The following WWOX variants were observed in gnomAD, a reference collection of about 807,000 sequenced individuals.
The protein encoded by WWOX is WW domain-containing oxidoreductase.
WWOX carries 69 observed loss-of-function variants against 46.2 expected under a neutral mutation model. The ratio of observed to expected loss-of-function variants is 1.49; its 90% CI spans 1.23 to 1.82. The LOEUF is 1.82. Among genes scored for constraint, WWOX ranks in the 40% most tolerant of loss-of-function variants. The pLI is 0.00. For synonymous variants in WWOX, 359 were observed against 202.6 expected, an observed-to-expected ratio of 1.77 and a Z score of -6.56; for missense variants, 919 against 542.6, an observed-to-expected ratio of 1.69 and a Z score of -6.89.
chr16:78,679,002 C>T (rs2047667673), intron 8 of WWOX, among the ~76,000 whole-genome samples: 1 of 152,130 alleles, frequency 6.6e-6, no homozygotes, highest in African/African-American at 2.4e-5. Flanking sequence ...CCATATTGCC[C>T]CCAGTGGAGA....
At chr16:78,799,656 G>A (rs2142645883) in intron 8 of WWOX, among the ~76,000 whole-genome samples, 1 of 152,280 alleles carries the variant, frequency 6.6e-6, no homozygotes, top group Admixed American at 6.5e-5. Context: ...ATGTTCTGTG[G>A]CACTTTGCAT....
chr16:78,281,354 C>T (rs2079674940), intron 5 of WWOX, among the ~76,000 whole-genome samples: 1 of 152,172 alleles, frequency 6.6e-6, no homozygotes, highest in African/African-American at 2.4e-5. Flanking sequence ...TCCCAGCAGA[C>T]TGGGTGGGTG....
chr16:78,813,567 G>T (rs2051253176), intron 8 of WWOX, among the ~76,000 whole-genome samples: 1 of 152,096 alleles, frequency 6.6e-6, no homozygotes, highest in African/African-American at 2.4e-5. Flanking sequence ...ATGTGGGCAG[G>T]AATGTGTGTG....
At chr16:78,767,520 C>A (rs972993762) in intron 8 of WWOX, among the ~76,000 whole-genome samples, 1 of 151,306 alleles carries the variant, frequency 6.6e-6, no homozygotes, top group Non-Finnish European at 1.5e-5. Flanking sequence ...TTGAATAATA[C>A]TCCTATGAAC....
intron 5 of WWOX, among the ~76,000 whole-genome samples, chr16:78,233,923 T>A (rs1206099301): frequency 6.6e-6 from 1 of 152,202 alleles, no homozygotes; most frequent in Non-Finnish European, 1.5e-5. Context: ...TGATTTCTTC[T>A]ACTGGGAAAA....
At chr16:78,600,453 C>A (rs528994631) in intron 8 of WWOX, among the ~76,000 whole-genome samples, 52 of 152,266 alleles carry the variant, frequency 3.4e-4, no homozygotes, top group Non-Finnish European at 7.1e-4. Flanking sequence ...GTGAAGTCAT[C>A]TCCATTTTAA....
chr16:79,093,018 G>T (rs796415204), intron 8 of WWOX, among the ~76,000 whole-genome samples: 1 of 152,124 alleles, frequency 6.6e-6, no homozygotes, highest in Admixed American at 6.6e-5. Context: ...AGCAAAAACC[G>T]CAATTACTTT....
chr16:78,920,828 T>C (rs192193688), intron 8 of WWOX, among the ~76,000 whole-genome samples: 2 of 152,350 alleles, frequency 1.3e-5, no homozygotes, highest in African/African-American at 4.8e-5. Context: ...TGGCTTTGGC[T>C]GTTGTGAGGA....
chr16:78,819,112 C>T (rs755349927), intron 8 of WWOX, among the ~76,000 whole-genome samples: 29 of 152,330 alleles, frequency 1.9e-4, no homozygotes, highest in Admixed American at 2.0e-4. Flanking sequence ...AAAGCGTTCA[C>T]TCTTCTGCAC....
At chr16:78,122,315 G>A (rs927200788) in intron 4 of WWOX, among the ~76,000 whole-genome samples, 3 of 152,118 alleles carry the variant, frequency 2.0e-5, no homozygotes, top group African/African-American at 7.2e-5. Flanking sequence ...GAGGCCATCA[G>A]TTGAATTTCA....
chr16:78,751,598 T>A (rs1004186991), intron 8 of WWOX, among the ~76,000 whole-genome samples: 1 of 151,448 alleles, frequency 6.6e-6, no homozygotes, highest in Non-Finnish European at 1.5e-5. Context: ...CATTCTTCCA[T>A]CAGTCATGCA....
Position 78,396,544 on chromosome 16 carries a change from A to G in WWOX, c.605+9596A>G, listed in dbSNP as rs111481952. ...AACCACGCTTTGGAGGGTAGATACAATTACCCCAGGGTTGTCTTTTCCCAC... is the reference window on the plus strand; with the variant it reads ...AACCACGCTTTGGAGGGTAGATACAGTTACCCCAGGGTTGTCTTTTCCCAC... On this transcript the variant is annotated intron_variant, in intron 6 of 8. Transcript: ENST00000566780. Among the ~76,000 whole-genome samples, 370 of 152,254 alleles carry G rather than the reference A, an allele frequency of 2.4e-3. 3 individuals are homozygous for G. Among genetic ancestry groups the G allele is most frequent in the African/African-American group, 8.7e-3 (361 of 41,552 alleles).
intron 8 of WWOX, among the ~76,000 whole-genome samples, chr16:78,807,341 G>C (rs867924292): frequency 3.8e-4 from 58 of 152,182 alleles, no homozygotes; most frequent in African/African-American, 1.2e-3. Context: ...GACACCCAGT[G>C]AATCTAAAAC....
chr16:79,158,037 T>G (rs2050415790), intron 8 of WWOX, among the ~76,000 whole-genome samples: 1 of 152,158 alleles, frequency 6.6e-6, no homozygotes, highest in Non-Finnish European at 1.5e-5. Flanking sequence ...CCAAGTGAGT[T>G]GTTTGCTGCC....
intron 8 of WWOX, among the ~76,000 whole-genome samples, chr16:78,760,505 C>G (rs1053200554): frequency 5.9e-5 from 9 of 152,198 alleles, no homozygotes; most frequent in Admixed American, 1.3e-4. Flanking sequence ...AGAAACATTA[C>G]TCAGCCCAAC....
At chr16:78,653,427 A>T (rs571351543) in intron 8 of WWOX, among the ~76,000 whole-genome samples, 1 of 152,358 alleles carries the variant, frequency 6.6e-6, no homozygotes, top group South Asian at 2.1e-4. Flanking sequence ...TGATTAGTCT[A>T]AGCCCATAAT....
chr16:78,848,870 A>G (rs1008411460), intron 8 of WWOX, among the ~76,000 whole-genome samples: 1 of 152,126 alleles, frequency 6.6e-6, no homozygotes, highest in Non-Finnish European at 1.5e-5. Context: ...AATGACCCGA[A>G]AAATCTATTT....
chr16:78,530,211 A>G (rs1432242003), intron 8 of WWOX, among the ~76,000 whole-genome samples: 3 of 152,182 alleles, frequency 2.0e-5, no homozygotes, highest in African/African-American at 7.2e-5. Flanking sequence ...AAGGAGTGTT[A>G]CAGTCAGTGC....
chr16:78,784,306 G>T (rs920318955), intron 8 of WWOX, among the ~76,000 whole-genome samples: 3 of 152,116 alleles, frequency 2.0e-5, no homozygotes, highest in Non-Finnish European at 2.9e-5. Context: ...AGCCAGTCAA[G>T]CCCTGACTCC....
Sources: gnomAD v4.1 joint callset for allele counts (sites outside exome capture counted in the v4.1 genomes callset) on GRCh38, gnomAD v4.1.1 for gene constraint, MANE v1.5 for transcripts, NCBI Gene and HGNC (gene_info 2026-07-23, HGNC 2026-07-21) for gene names.